Variants in MPZL3 observed in about 807,000 individuals in gnomAD.
MPZL3 encodes the protein myelin protein zero like 3, also known as myelin protein zero-like protein 3.
In MPZL3, 23 loss-of-function variants were observed where a neutral mutation model predicts 24.8. That is an observed-to-expected ratio of 0.93 (90% CI 0.67 to 1.31). The LOEUF is 1.31. MPZL3 is among the 40% of genes most tolerant of loss of function. The pLI, the probability that MPZL3 is intolerant of heterozygous loss-of-function variation, is 0.00. For synonymous variants in MPZL3, 99 were observed against 106.5 expected, an observed-to-expected ratio of 0.93 and a Z score of 0.44; for missense variants, 277 against 294.9, an observed-to-expected ratio of 0.94 and a Z score of 0.44.
In MPZL3 at chr11:118,240,252, C is replaced by G; in HGVS notation, c.199G>C (p.Asp67His). The change falls in exon 2 of 6, where the codon GAC becomes CAC. Residue 67 changes from aspartate to histidine, a missense_variant. Asp to His is a moderately conservative substitution (Grantham distance 81). Coordinates refer to ENST00000278949, the MANE Select transcript of MPZL3 (RefSeq NM_198275.3). ...CTGCTGGGAGGGCGATATGTCCAGT[C>G]TATAGTAAGTTTGTCAGTGACATCT... The part of the protein sequence containing the change: ...TSDVTDKLTI[D>H]WTYRPPSSSH... 6.3e-7 allele frequency: 1 copy of G among 1,598,084 alleles called. No individual in the cohort carries two copies. The highest frequency in any genetic ancestry group is 8.5e-7 in the Non-Finnish European group (1 of 1,174,582).
intron 1 of MPZL3, among the ~76,000 whole-genome samples, chr11:118,240,880 G>C (rs1793144): frequency 0.091 from 13,767 of 152,082 alleles, 2,078 homozygotes; most frequent in African/African-American, 0.31. Context: ...ACAGCAAAAT[G>C]AGAATAGGAA....
intron 1 of MPZL3, among the ~76,000 whole-genome samples, chr11:118,251,116 T>TGTGTGTGA (rs1949615707): frequency 7.9e-6 from 1 of 127,030 alleles, no homozygotes; most frequent in African/African-American, 2.9e-5. Flanking sequence ...TGTGTGTGTG[T>TGTGTGTGA]GTGAAAGAGA....
chr11:118,250,629 A>G (rs1383488067), intron 1 of MPZL3, among the ~76,000 whole-genome samples: 1 of 151,910 alleles, frequency 6.6e-6, no homozygotes, highest in Non-Finnish European at 1.5e-5. Context: ...CGCCCAGGCT[A>G]GAGTGCAATG....
chr11:118,251,125 G>A (rs1405769604), intron 1 of MPZL3, among the ~76,000 whole-genome samples: 1 of 151,330 alleles, frequency 6.6e-6, no homozygotes, highest in Non-Finnish European at 1.5e-5. Flanking sequence ...GTGTGAAAGA[G>A]AGAGAGAGAG....
At chr11:118,243,087 C>G (rs2134710891) in intron 1 of MPZL3, among the ~76,000 whole-genome samples, 1 of 152,300 alleles carries the variant, frequency 6.6e-6, no homozygotes. Flanking sequence ...TCTAGACGAC[C>G]AGACTAGGCT....
chr11:118,242,882 A>T (rs115800722), intron 1 of MPZL3, among the ~76,000 whole-genome samples: 1 of 152,194 alleles, frequency 6.6e-6, no homozygotes, highest in African/African-American at 2.4e-5. Flanking sequence ...CAGGGCAAAA[A>T]TTCAGAGGGA....
intron 3 of MPZL3, 85 bp downstream of exon 3, chr11:118,236,965 C>A: frequency 1.6e-6 from 2 of 1,216,944 alleles, no homozygotes; most frequent in South Asian, 2.7e-5. Flanking sequence ...CAAAGATAGA[C>A]AGCTTTGTTT....
chr11:118,237,208 T>C lies in MPZL3; in HGVS notation c.293A>G (p.Asp98Gly), dbSNP rs776437656. The change falls in exon 3 of 6, where the codon GAT becomes GGT. Residue 98 changes from aspartate (D) to glycine (G), a missense_variant. By Grantham distance (94) the Asp-to-Gly change is moderately conservative. Transcript: ENST00000278949. ...QYPTTAGTFR[D>G]RISWVGNVYK... The stretch of plus-strand genomic sequence containing the variant: ...TACATTTCCAACCCAGGAAATCCGA[T>C]CCCGAAATGTGCCTGCTGTGGTTGG... 6 of 1,614,076 alleles carry C rather than the reference T, an allele frequency of 3.7e-6. No individual in the cohort carries two copies. The Admixed American group carries it at 1.0e-4, about 27-fold the overall frequency.
chr11:118,249,395 G>C (rs1364226048), intron 1 of MPZL3, among the ~76,000 whole-genome samples: 4 of 152,050 alleles, frequency 2.6e-5, no homozygotes, highest in Non-Finnish European at 5.9e-5. Context: ...AAGACAGTTT[G>C]TCTCTTCCAC....
At chr11:118,240,458 G>T in intron 1 of MPZL3, 81 bp from the exon 2 acceptor site, 2 of 1,417,200 alleles carry the variant, frequency 1.4e-6, no homozygotes, top group African/African-American at 1.5e-5. Context: ...TATTTTTAGA[G>T]CCCTCATCAA....
chr11:118,250,625 G>C (rs1949609225), intron 1 of MPZL3, among the ~76,000 whole-genome samples: 1 of 152,196 alleles, frequency 6.6e-6, no homozygotes, highest in South Asian at 2.1e-4. Flanking sequence ...TTGTCGCCCA[G>C]GCTAGAGTGC....
Position 118,229,789 on chromosome 11 carries a change from G to T in MPZL3, c.*105C>A. ...CTGATGATCTCCAGGATTGTCCATC[G>T]CTATGGTCCAGGCCAGCTCCACTTT... On this transcript the variant is annotated 3_prime_UTR_variant, in exon 6 of 6. Transcript: ENST00000278949. The T allele has an allele frequency of 1.8e-6, 2 of 1,082,234 alleles. No homozygotes were observed. Among genetic ancestry groups the T allele is most frequent in the South Asian group, 1.3e-5 (1 of 74,528 alleles). The allele number at this position is 1,082,234 out of a possible 1,614,324, so 67.0% of individuals were successfully genotyped here. A position where few individuals can be genotyped will look rare whatever the true frequency, so the allele number is the denominator to read the frequency against.
At chr11:118,240,424 A>C (rs953311162) in intron 1 of MPZL3, 47 bp from the exon 2 acceptor site, 13 of 1,554,630 alleles carry the variant, frequency 8.4e-6, no homozygotes, top group Non-Finnish European at 1.1e-5. Context: ...ATGTGGGTGG[A>C]ATATACAGAT....
intron 1 of MPZL3, among the ~76,000 whole-genome samples, chr11:118,241,900 G>A (rs1324865999): frequency 6.6e-6 from 1 of 152,192 alleles, no homozygotes; most frequent in African/African-American, 2.4e-5. Context: ...ACTTTGCCAT[G>A]CTAAACCTGT....
intron 4 of MPZL3, among the ~76,000 whole-genome samples, chr11:118,234,463 A>G (rs934246081): frequency 1.2e-4 from 19 of 152,164 alleles, no homozygotes; most frequent in African/African-American, 4.6e-4. Context: ...CAGCAAGTCA[A>G]AAGGAGGGGT....
Position 118,235,593 on chromosome 11 carries a change from G to C in MPZL3, c.452-4C>G, listed in dbSNP as rs747199335. 2 of 1,613,172 alleles carry C rather than the reference G, an allele frequency of 1.2e-6. No homozygotes were observed. Among genetic ancestry groups the C allele is most frequent in the African/African-American group, 1.3e-5 (1 of 74,880 alleles). On this transcript the variant is annotated splice_polypyrimidine_tract_variant and splice_region_variant and intron_variant, in intron 3 of 5. Coordinates refer to ENST00000278949, the MANE Select transcript of MPZL3 (RefSeq NM_198275.3). ...GAGGAAAGCATGGTGCCAAAACCTA[G>C]AGGCGGAGAAAGAGAAGGTAAAAGA...
Position 118,227,235 on chromosome 11 carries a change from A to G in MPZL3, c.*2659T>C, listed in dbSNP as rs999223761. Reference sequence around the variant, plus strand: ...ACCACATGTAAAAACTTCAGCAGCTAAAGAAAAATTCTGGAAGGCTTTTAA... The same window carrying G: ...ACCACATGTAAAAACTTCAGCAGCTGAAGAAAAATTCTGGAAGGCTTTTAA... On this transcript the variant is annotated 3_prime_UTR_variant, in exon 6 of 6. Coordinates refer to ENST00000278949, the MANE Select transcript of MPZL3 (RefSeq NM_198275.3). 4.6e-5 allele frequency: 7 copies of G among 152,254 alleles called. No homozygotes were observed. The highest frequency in any genetic ancestry group is 1.7e-4 in the African/African-American group (7 of 41,460). 9.4% of individuals were successfully genotyped at this position (152,254 alleles called of 1,614,324 possible). A position where few individuals can be genotyped will look rare whatever the true frequency, so the allele number is the denominator to read the frequency against.
intron 1 of MPZL3, among the ~76,000 whole-genome samples, chr11:118,242,640 C>T (rs937362567): frequency 3.9e-5 from 6 of 152,216 alleles, no homozygotes; most frequent in African/African-American, 1.4e-4. Flanking sequence ...AGGCTCTCCC[C>T]ACCTCTAATA....
In MPZL3 at chr11:118,227,917, A is replaced by T. The variant is rs1949291197; in HGVS notation, c.*1977T>A. On this transcript the variant is annotated 3_prime_UTR_variant, in exon 6 of 6. Coordinates refer to ENST00000278949, the MANE Select transcript of MPZL3 (RefSeq NM_198275.3). Reference sequence around the variant, plus strand: ...AGATCTCTATCTTCAAATCTCTGAGAGCCCAAGTTATTTACTCTCATTGCT... The same window carrying T: ...AGATCTCTATCTTCAAATCTCTGAGTGCCCAAGTTATTTACTCTCATTGCT... 6.6e-6 allele frequency: 1 copy of T among 152,182 alleles called. No individual in the cohort carries two copies. The highest frequency in any genetic ancestry group is 2.4e-5 in the African/African-American group (1 of 41,440). 9.4% of individuals were successfully genotyped at this position (152,182 alleles called of 1,614,324 possible). A position where few individuals can be genotyped will look rare whatever the true frequency, so the allele number is the denominator to read the frequency against.
Sources: allele counts gnomAD v4.1 joint callset (sites outside exome capture counted in the v4.1 genomes callset), GRCh38; gene constraint gnomAD v4.1.1; transcripts MANE v1.5; gene names NCBI Gene and HGNC (gene_info 2026-07-23, HGNC 2026-07-21).